GABRB1: variants seen among roughly 807,000 people sequenced by gnomAD.
GABRB1 encodes the protein gamma-aminobutyric acid receptor subunit beta-1.
Under a neutral mutation model 51.6 loss-of-function variants are expected in GABRB1, and 17 were observed. The observed-to-expected ratio is 0.33, with a 90% CI of 0.23 to 0.49. The LOEUF (loss-of-function observed/expected upper bound fraction) is 0.49. GABRB1 is among the 20% of genes least tolerant of loss of function. The pLI, the probability that GABRB1 is intolerant of heterozygous loss-of-function variation, is 0.99. For missense variants in GABRB1, 410 were observed against 600.6 expected, an observed-to-expected ratio of 0.68 and a Z score of 3.32; for synonymous variants, 247 against 218.9, an observed-to-expected ratio of 1.13 and a Z score of -1.14.
intron 4 of GABRB1, among the ~76,000 whole-genome samples, chr4:47,207,975 C>T (rs866710646): frequency 1.4e-4 from 21 of 151,948 alleles, no homozygotes; most frequent in South Asian, 1.0e-3. Flanking sequence ...TGTAAATCCA[C>T]GGATACACTT....
chr4:46,998,001 A>G (rs1724054805), intron 1 of GABRB1, among the ~76,000 whole-genome samples: 1 of 152,206 alleles, frequency 6.6e-6, no homozygotes, highest in Non-Finnish European at 1.5e-5. Flanking sequence ...GAACCTCCAT[A>G]TCGTTTCCAC....
At chr4:47,208,277 T>C (rs756112181) in intron 4 of GABRB1, among the ~76,000 whole-genome samples, 1 of 152,076 alleles carries the variant, frequency 6.6e-6, no homozygotes, top group Non-Finnish European at 1.5e-5. Context: ...ATTATATATT[T>C]GGATTAAGCA....
chr4:47,150,640 CAT>C (rs1332347651), intron 3 of GABRB1, among the ~76,000 whole-genome samples: 2 of 78,340 alleles, frequency 2.6e-5, no homozygotes, highest in Non-Finnish European at 6.5e-5. Context: ...ACAAAAGCCA[CAT>C]ATATATACAC....
At chr4:47,286,478 A>G (rs1723513127) in intron 4 of GABRB1, among the ~76,000 whole-genome samples, 1 of 152,116 alleles carries the variant, frequency 6.6e-6, no homozygotes, top group South Asian at 2.1e-4. Context: ...CTACCTTTCT[A>G]CATTTATTTC....
At chr4:47,076,689 G>T (rs1489303136) in intron 3 of GABRB1, among the ~76,000 whole-genome samples, 1 of 152,086 alleles carries the variant, frequency 6.6e-6, no homozygotes, top group Non-Finnish European at 1.5e-5. Context: ...ACAGCAACCT[G>T]ATAGGCCTAA....
chr4:47,092,284 TGTCTCAGCCTCCTA>T (rs1728339455), intron 3 of GABRB1, among the ~76,000 whole-genome samples: 1 of 149,874 alleles, frequency 6.7e-6, no homozygotes. Context: ...ATGATTCTCC[TGTCTCAGCCTCCTA>T]AATAGCTGGG....
chr4:47,103,879 T>G (rs1483596995), intron 3 of GABRB1, among the ~76,000 whole-genome samples: 3 of 151,746 alleles, frequency 2.0e-5, no homozygotes, highest in Non-Finnish European at 4.4e-5. Flanking sequence ...AACTAACAAA[T>G]AACATTTTCT....
At chr4:47,042,812 T>C (rs1725915912) in intron 3 of GABRB1, among the ~76,000 whole-genome samples, 1 of 151,986 alleles carries the variant, frequency 6.6e-6, no homozygotes, top group African/African-American at 2.4e-5. Flanking sequence ...ATGTAATATA[T>C]ATCTATCCAC....
intron 3 of GABRB1, among the ~76,000 whole-genome samples, chr4:47,110,083 C>A (rs893830194): frequency 6.6e-6 from 1 of 152,092 alleles, no homozygotes; most frequent in Non-Finnish European, 1.5e-5. Context: ...TGAATTTGTT[C>A]AGGAACAGCA....
At chr4:47,252,344 AG>A in intron 4 of GABRB1, among the ~76,000 whole-genome samples, 1 of 151,904 alleles carries the variant, frequency 6.6e-6, no homozygotes, top group Non-Finnish European at 1.5e-5. Context: ...CCACTTCCAC[AG>A]TTGGGGCACT....
At chr4:47,106,656 A>C (rs1310878003) in intron 3 of GABRB1, among the ~76,000 whole-genome samples, 3 of 151,816 alleles carry the variant, frequency 2.0e-5, no homozygotes, top group Non-Finnish European at 4.4e-5. Flanking sequence ...GTCTACATTA[A>C]CTCTGCATTT....
intron 8 of GABRB1, among the ~76,000 whole-genome samples, chr4:47,407,259 A>G (rs943287865): frequency 9.9e-5 from 15 of 152,226 alleles, no homozygotes; most frequent in African/African-American, 3.6e-4. Flanking sequence ...CTAAATGGAG[A>G]TGAGGCACAG....
intron 4 of GABRB1, among the ~76,000 whole-genome samples, chr4:47,235,939 A>G (rs976407330): frequency 6.6e-6 from 1 of 152,108 alleles, no homozygotes; most frequent in African/African-American, 2.4e-5. Flanking sequence ...TTATAGCACA[A>G]ACGTCCCCAT....
chr4:47,075,711 A>G (rs1474424937), intron 3 of GABRB1, among the ~76,000 whole-genome samples: 1 of 152,230 alleles, frequency 6.6e-6, no homozygotes, highest in Non-Finnish European at 1.5e-5. Flanking sequence ...ATGGAATCAT[A>G]CAAAATATTA....
intron 3 of GABRB1, among the ~76,000 whole-genome samples, chr4:47,150,946 T>C (rs889001983): frequency 6.6e-6 from 1 of 151,948 alleles, no homozygotes; most frequent in Non-Finnish European, 1.5e-5. Flanking sequence ...CAAGGTGGTA[T>C]ACAGAAGACA....
intron 4 of GABRB1, among the ~76,000 whole-genome samples, chr4:47,168,458 A>G (rs1718291742): frequency 6.6e-6 from 1 of 152,136 alleles, no homozygotes; most frequent in African/African-American, 2.4e-5. Context: ...TTTTTTGAAG[A>G]AATGATGTCA....
intron 3 of GABRB1, among the ~76,000 whole-genome samples, chr4:47,092,901 C>T (rs1714152672): frequency 1.3e-5 from 2 of 152,326 alleles, no homozygotes; most frequent in South Asian, 4.1e-4. Context: ...GTGTGAGCCA[C>T]TGCGTCCCGC....
chr4:47,160,079 G>A (rs549217865), intron 3 of GABRB1, among the ~76,000 whole-genome samples: 5 of 152,154 alleles, frequency 3.3e-5, no homozygotes, highest in African/African-American at 1.2e-4. Flanking sequence ...AATAACTAAA[G>A]TGCTAAGATT....
chr4:47,013,496 GT>G (rs1181577826), intron 1 of GABRB1, among the ~76,000 whole-genome samples: 1 of 152,118 alleles, frequency 6.6e-6, no homozygotes, highest in Non-Finnish European at 1.5e-5. Context: ...ATGTTTCTTG[GT>G]TTAAAGGAGA....
Sources: gnomAD v4.1 joint callset for allele counts (sites outside exome capture counted in the v4.1 genomes callset) on GRCh38, gnomAD v4.1.1 for gene constraint, MANE v1.5 for transcripts, NCBI Gene and HGNC (gene_info 2026-07-23, HGNC 2026-07-21) for gene names.